ZSCAN25: variants seen among roughly 807,000 people sequenced by gnomAD.
ZSCAN25 encodes the protein zinc finger and SCAN domain-containing protein 25.
ZSCAN25 carries 27 observed loss-of-function variants against 38.7 expected under a neutral mutation model. The ratio of observed to expected loss-of-function variants is 0.70; its 90% CI spans 0.51 to 0.96. The LOEUF (loss-of-function observed/expected upper bound fraction) is 0.96, where lower values mean the gene tolerates loss of function less well. Ranked by LOEUF, ZSCAN25 falls within the 40% of genes least tolerant of loss-of-function variation. The pLI, the probability that ZSCAN25 is intolerant of heterozygous loss-of-function variation, is 0.00. For missense variants in ZSCAN25, 637 were observed against 705.9 expected (o/e 0.90, Z 1.11); for synonymous variants, 273 against 277.7 (o/e 0.98, Z 0.17).
At chr7:99,724,876 A>G in the ZSCAN25 span, among the ~76,000 whole-genome samples, 2 of 152,072 alleles carry the variant, frequency 1.3e-5, no homozygotes, top group East Asian at 3.9e-4. Context: ...CCTGCGATTT[A>G]ACCTGGAGTG....
At chr7:99,668,821 G>A in the ZSCAN25 span, among the ~76,000 whole-genome samples, 7 of 152,314 alleles carry the variant, frequency 4.6e-5, no homozygotes, top group East Asian at 3.9e-4. Context: ...GGTGGTGTGC[G>A]ACTTCCAGTG....
At chr7:99,635,946 C>T (rs774626594), downstream of ZSCAN25, among the ~76,000 whole-genome samples, 1 of 147,330 alleles carries the variant, frequency 6.8e-6, no homozygotes, top group Non-Finnish European at 1.5e-5. Flanking sequence ...ACTTGGGAGG[C>T]TGAGGCAGGA....
At chr7:99,687,067 T>C in the ZSCAN25 span, among the ~76,000 whole-genome samples, 7 of 150,336 alleles carry the variant, frequency 4.7e-5, no homozygotes, top group African/African-American at 9.8e-5. Context: ...ACCACAAAGA[T>C]GGGGAAAAAA....
intron 4 of ZSCAN25, chr7:99,621,074 T>C (rs1224221685): frequency 1.7e-5 from 4 of 237,726 alleles, no homozygotes; most frequent in South Asian, 1.8e-4. Flanking sequence ...TTTCTAGTAG[T>C]GAGTATATTG....
rs999270806 is a variant in ZSCAN25, at chr7:99,630,510, G to T, written c.*490G>T. 2 of 994,354 alleles carry T rather than the reference G, an allele frequency of 2.0e-6. No individual in the cohort carries two copies. The highest frequency in any genetic ancestry group is 1.7e-5 in the African/African-American group (1 of 57,304). 61.6% of individuals were successfully genotyped at this position (994,354 alleles called of 1,614,324 possible). A position where few individuals can be genotyped will look rare whatever the true frequency, so the allele number is the denominator to read the frequency against. ...TGCCGTGGTGAATGAGAGACTAGAC[G>T]TGATGCCTCTGGGGGTTGTGCGTTG... On this transcript the variant is annotated 3_prime_UTR_variant, in exon 8 of 8. Transcript: ENST00000394152.
intron 7 of ZSCAN25, among the ~76,000 whole-genome samples, chr7:99,627,269 C>G (rs796632996): frequency 1.3e-5 from 2 of 152,056 alleles, no homozygotes; most frequent in South Asian, 4.1e-4. Context: ...AACATAAATT[C>G]GATATATGTA....
chr7:99,737,841 CA>C, the ZSCAN25 span, among the ~76,000 whole-genome samples: 1 of 152,148 alleles, frequency 6.6e-6, no homozygotes, highest in Admixed American at 6.5e-5. Flanking sequence ...TGTTGTTCTG[CA>C]AAGGAAAATA....
At chr7:99,732,709 C>T in the ZSCAN25 span, among the ~76,000 whole-genome samples, 2 of 152,150 alleles carry the variant, frequency 1.3e-5, no homozygotes, top group Non-Finnish European at 2.9e-5. Flanking sequence ...CATGAATCTG[C>T]TAGTCCCACA....
the ZSCAN25 span, chr7:99,705,129 G>C: frequency 1.2e-5 from 3 of 249,872 alleles, no homozygotes; most frequent in Admixed American, 1.5e-4. Context: ...GTCACTGTTA[G>C]AGCCATCAAA....
chr7:99,652,505 T>C, the ZSCAN25 span: 1 of 1,363,568 alleles, frequency 7.3e-7, no homozygotes, highest in Non-Finnish European at 1.0e-6. Context: ...AGAATATGCT[T>C]GAACCAGCCT....
chr7:99,705,163 T>C, the ZSCAN25 span: 1 of 252,930 alleles, frequency 4.0e-6, no homozygotes, highest in African/African-American at 2.2e-5. Flanking sequence ...TTATTAATGA[T>C]TGTGGTTGAA....
the ZSCAN25 span, among the ~76,000 whole-genome samples, chr7:99,736,327 A>G: frequency 5.9e-5 from 9 of 152,296 alleles, no homozygotes; most frequent in South Asian, 1.0e-3. Context: ...AAGGACTCCA[A>G]TGAGGTGGTC....
At position 99,631,081 on chromosome 7, in the gene ZSCAN25, G is replaced by A. The variant is rs1250500234; in HGVS notation, c.*1061G>A. 1 of 985,078 alleles carries A rather than the reference G, an allele frequency of 1.0e-6. No homozygotes were observed. Among genetic ancestry groups the A allele is most frequent in the African/African-American group, 1.7e-5 (1 of 57,220 alleles). 61.0% of individuals were successfully genotyped at this position (985,078 alleles called of 1,614,324 possible). Reference sequence around the variant, plus strand: ...GAATAAAATAGGGGGAGAAGCTGTTGACCTCGTAGAGCTTATGTCTCGTGG... The same window carrying A: ...GAATAAAATAGGGGGAGAAGCTGTTAACCTCGTAGAGCTTATGTCTCGTGG... On this transcript the variant is annotated 3_prime_UTR_variant, in exon 8 of 8. Coordinates refer to ENST00000394152, the MANE Select transcript of ZSCAN25 (RefSeq NM_145115.3).
chr7:99,638,839 C>T, the ZSCAN25 span: 51 of 670,244 alleles, frequency 7.6e-5, no homozygotes, highest in African/African-American at 8.1e-4. Flanking sequence ...GCCGCCGCTG[C>T]GAAACTGAAA....
At chr7:99,625,776 C>T (rs1351000460) in intron 7 of ZSCAN25, among the ~76,000 whole-genome samples, 1 of 152,182 alleles carries the variant, frequency 6.6e-6, no homozygotes, top group Non-Finnish European at 1.5e-5. Flanking sequence ...TCTGACTGTT[C>T]TGGAGACTGG....
At chr7:99,619,356 T>TA (rs915984562) in intron 3 of ZSCAN25, among the ~76,000 whole-genome samples, 2 of 152,248 alleles carry the variant, frequency 1.3e-5, no homozygotes, top group African/African-American at 4.8e-5. Context: ...AGCAAAATCT[T>TA]AGACATTTTC....
In ZSCAN25 at chr7:99,631,715, T is replaced by A; in HGVS notation, c.*1695T>A. The A allele has an allele frequency of 3.0e-6, 3 of 985,390 alleles. No individual in the cohort carries two copies. The highest frequency in any genetic ancestry group is 3.6e-6 in the Non-Finnish European group (3 of 829,928). 61.0% of individuals were successfully genotyped at this position (985,390 alleles called of 1,614,324 possible). A position where few individuals can be genotyped will look rare whatever the true frequency, so the allele number is the denominator to read the frequency against. ...CACTTTGAAACGTGGTTTTATCACC[T>A]GTTCTTGTTAGGCAGCATGGTGTCT... On this transcript the variant is annotated 3_prime_UTR_variant, in exon 8 of 8. Coordinates refer to ENST00000394152, the MANE Select transcript of ZSCAN25 (RefSeq NM_145115.3).
At chr7:99,710,981 A>C in the ZSCAN25 span, 1 of 1,600,838 alleles carries the variant, frequency 6.2e-7, no homozygotes, top group Non-Finnish European at 8.5e-7. Flanking sequence ...GGAACCTTCA[A>C]ATCCCCAGGG....
At chr7:99,709,727 A>T in the ZSCAN25 span, among the ~76,000 whole-genome samples, 2 of 152,164 alleles carry the variant, frequency 1.3e-5, no homozygotes, top group African/African-American at 4.8e-5. Flanking sequence ...TCTTTTTGTT[A>T]TATATACAAA....
Sources: allele counts gnomAD v4.1 joint callset (sites outside exome capture counted in the v4.1 genomes callset), GRCh38; gene constraint gnomAD v4.1.1; transcripts MANE v1.5; gene names NCBI Gene and HGNC (gene_info 2026-07-23, HGNC 2026-07-21).